The following SLC7A9 variants were observed in gnomAD, a reference collection of about 807,000 sequenced individuals.
SLC7A9 encodes the protein solute carrier family 7 member 9, also known as B(0,+)-type amino acid transporter 1.
In SLC7A9, 38 loss-of-function variants were observed where a neutral mutation model predicts 54.1. The observed-to-expected ratio is 0.70, with a 90% CI of 0.54 to 0.92. The LOEUF (loss-of-function observed/expected upper bound fraction) is 0.92. Among genes scored for constraint, SLC7A9 ranks in the 40% least tolerant of loss-of-function variants. SLC7A9 has a pLI of 0.00. For synonymous variants in SLC7A9, 264 were observed against 258.9 expected (o/e 1.02, Z -0.19); for missense variants, 537 against 636.1 (o/e 0.84, Z 1.68).
At chr19:32,848,773 C>T (rs1237936638) in intron 9 of SLC7A9, among the ~76,000 whole-genome samples, 10 of 152,126 alleles carry the variant, frequency 6.6e-5, no homozygotes, top group Non-Finnish European at 1.0e-4. Flanking sequence ...AAATTGACCA[C>T]ATAGTTGGAA....
chr19:32,859,851 G>C lies in SLC7A9; in HGVS notation c.863C>G (p.Ala288Gly), dbSNP rs200621569. 2.5e-6 allele frequency: 4 copies of C among 1,613,894 alleles called. No homozygotes were observed. Among genetic ancestry groups the C allele is most frequent in the Non-Finnish European group, 3.4e-6 (4 of 1,179,794 alleles). The change falls in exon 8 of 13, where the codon GCG becomes GGG. Residue 288 changes from alanine (A) to glycine (G), a missense_variant. Coordinates refer to ENST00000023064, the MANE Select transcript of SLC7A9 (RefSeq NM_014270.5). Reference sequence around the variant, plus strand: ...TGCCCGGGCACTCACCACAGCCACCGCCTGGGACTGCAGGAGTTCGGTGGC... The same window carrying C: ...TGCCCGGGCACTCACCACAGCCACCCCCTGGGACTGCAGGAGTTCGGTGGC... The part of the protein sequence containing the change: ...MTATELLQSQ[A>G]VAVTFGDRVL...
chr19:32,863,554 T>A (rs962506682), intron 4 of SLC7A9, among the ~76,000 whole-genome samples: 11 of 151,936 alleles, frequency 7.2e-5, no homozygotes, highest in South Asian at 2.1e-4. Context: ...GAGTCAAGGT[T>A]CTCACTGTGT....
At position 32,843,835 on chromosome 19, in the gene SLC7A9, G is replaced by A. The variant is rs1968198127; in HGVS notation, c.1074+20C>T. 1 of 1,585,908 alleles carries A rather than the reference G, an allele frequency of 6.3e-7. No individual in the cohort carries two copies. The highest frequency in any genetic ancestry group is 1.3e-5 in the African/African-American group (1 of 74,492). ...GTGTCCCCGCCTTGAAGATAGGCTG[G>A]TAGCGGGATTTGTACTCACATAAAA... On this transcript the variant is annotated intron_variant, in intron 10 of 12. Transcript: ENST00000023064.
At chr19:32,852,098 A>C (rs1415866703) in intron 9 of SLC7A9, among the ~76,000 whole-genome samples, 2 of 152,112 alleles carry the variant, frequency 1.3e-5, no homozygotes. Context: ...GGTGCAGCAC[A>C]CCAACATGGC....
At chr19:32,843,821 T>G in intron 10 of SLC7A9, 34 bp downstream of exon 10, 1 of 1,544,720 alleles carries the variant, frequency 6.5e-7, no homozygotes, top group East Asian at 2.2e-5. Context: ...TGTCCCCGCC[T>G]TGAAGATAGG....
intron 9 of SLC7A9, 115 bp downstream of exon 9, chr19:32,858,325 T>A (rs959908646): frequency 4.3e-5 from 32 of 744,306 alleles, no homozygotes; most frequent in South Asian, 2.5e-4. Flanking sequence ...CTACTTGTAC[T>A]GGCGTGGGTT....
At position 32,843,970 on chromosome 19, in the gene SLC7A9, G is replaced by T. The variant is rs764500224; in HGVS notation, c.978-19C>A. The stretch of plus-strand genomic sequence containing the variant: ...AATGAGTCTGGAAAATAACGACACG[G>T]GAGTCCGCTGACCAGAGTGCAGACC... On this transcript the variant is annotated intron_variant, in intron 9 of 12. Coordinates refer to ENST00000023064, the MANE Select transcript of SLC7A9 (RefSeq NM_014270.5). 1 of 1,574,832 alleles carries T rather than the reference G, an allele frequency of 6.3e-7. No individual in the cohort carries two copies. Among genetic ancestry groups the T allele is most frequent in the South Asian group, 1.1e-5 (1 of 90,042 alleles).
intron 2 of SLC7A9, among the ~76,000 whole-genome samples, chr19:32,865,952 C>CTT: frequency 5.3e-5 from 1 of 19,040 alleles, no homozygotes. Context: ...GACAGTGAGA[C>CTT]TGTCTCAAAA....
chr19:32,833,131 C>T lies in SLC7A9; in HGVS notation c.1399+18G>A. 2 of 1,613,694 alleles carry T rather than the reference C, an allele frequency of 1.2e-6. No individual in the cohort carries two copies. Among genetic ancestry groups the T allele is most frequent in the South Asian group, 2.2e-5 (2 of 91,048 alleles). On this transcript the variant is annotated intron_variant, in intron 12 of 12. Transcript: ENST00000023064. ...CTGCACCTCACAGAGGCCAAGCGGCCCTTCTGTTGGTACTTACTTGAGATT... is the reference window on the plus strand; with the variant it reads ...CTGCACCTCACAGAGGCCAAGCGGCTCTTCTGTTGGTACTTACTTGAGATT...
At chr19:32,833,629 C>A (rs1231733789) in intron 11 of SLC7A9, among the ~76,000 whole-genome samples, 2 of 152,092 alleles carry the variant, frequency 1.3e-5, no homozygotes, top group Non-Finnish European at 2.9e-5. Context: ...GAAACACCAT[C>A]TCTACCAAAA....
intron 2 of SLC7A9, among the ~76,000 whole-genome samples, chr19:32,866,174 C>A (rs1030967537): frequency 9.2e-5 from 14 of 152,256 alleles, no homozygotes; most frequent in Middle Eastern, 6.8e-3. Flanking sequence ...GGGCTCCCAG[C>A]TGCAGGCTGC....
intron 4 of SLC7A9, 92 bp from the exon 5 acceptor site, chr19:32,862,678 T>A (rs1014290311): frequency 5.8e-6 from 7 of 1,208,488 alleles, no homozygotes; most frequent in Non-Finnish European, 7.6e-6. Context: ...ATTTTTTTTT[T>A]TTTTTGAGAT....
At chr19:32,855,759 T>C (rs1435155860) in intron 9 of SLC7A9, among the ~76,000 whole-genome samples, 1 of 151,974 alleles carries the variant, frequency 6.6e-6, no homozygotes. Context: ...TTATCAGTAC[T>C]GCACGTACCC....
chr19:32,864,886 G>A (rs929295582), intron 2 of SLC7A9, 110 bp from the exon 3 acceptor site: 31 of 1,439,322 alleles, frequency 2.2e-5, no homozygotes, highest in African/African-American at 1.1e-4. Flanking sequence ...CAAAGCCCAT[G>A]TCCCAGGCGC....
intron 7 of SLC7A9, 167 bp from the exon 8 acceptor site, chr19:32,860,131 C>T (rs749614454): frequency 1.3e-6 from 2 of 1,541,382 alleles, no homozygotes; most frequent in Non-Finnish European, 1.7e-6. Flanking sequence ...GACTCCAGAG[C>T]AGTTCACATG....
chr19:32,836,038 C>G (rs1193821205), intron 11 of SLC7A9, among the ~76,000 whole-genome samples: 1 of 152,026 alleles, frequency 6.6e-6, no homozygotes, highest in Non-Finnish European at 1.5e-5. Flanking sequence ...CTCAGCCTCC[C>G]GAGTAGCTGG....
At chr19:32,864,919 G>A in intron 2 of SLC7A9, 143 bp from the exon 3 acceptor site, 1 of 1,001,852 alleles carries the variant, frequency 1.0e-6, no homozygotes, top group African/African-American at 1.6e-5. Flanking sequence ...CGGCTGCCCT[G>A]GCAACACCGG....
chr19:32,843,806 T>C (rs1968196700), intron 10 of SLC7A9, 49 bp downstream of exon 10: 2 of 1,424,434 alleles, frequency 1.4e-6, no homozygotes, highest in Non-Finnish European at 2.0e-6. Context: ...ACCCCATGGA[T>C]GGAGTGTCCC....
chr19:32,849,596 A>G (rs1394689819), intron 9 of SLC7A9, among the ~76,000 whole-genome samples: 5 of 151,782 alleles, frequency 3.3e-5, no homozygotes, highest in Admixed American at 6.6e-5. Context: ...GAATTCTACC[A>G]GAGGTACAAG....
Sources: allele counts gnomAD v4.1 joint callset (sites outside exome capture counted in the v4.1 genomes callset), GRCh38; gene constraint gnomAD v4.1.1; transcripts MANE v1.5; gene names NCBI Gene and HGNC (gene_info 2026-07-23, HGNC 2026-07-21).